LRRC4C: variants seen among roughly 807,000 people sequenced by gnomAD.
LRRC4C encodes the protein leucine rich repeat containing 4C.
A neutral mutation model predicts 33.6 loss-of-function variants in LRRC4C; 5 were observed. The ratio of observed to expected loss-of-function variants is 0.15; its 90% CI spans 0.08 to 0.31. LRRC4C has a LOEUF of 0.31. Among genes scored for constraint, LRRC4C ranks in the 10% least tolerant of loss-of-function variants. LRRC4C has a pLI of 1.00. For missense variants in LRRC4C, 560 were observed against 796.7 expected, an observed-to-expected ratio of 0.70 and a Z score of 3.58; for synonymous variants, 329 against 302.0, an observed-to-expected ratio of 1.09 and a Z score of -0.93.
At chr11:40,382,936 G>A (rs1441423142) in intron 3 of LRRC4C, among the ~76,000 whole-genome samples, 6 of 151,218 alleles carry the variant, frequency 4.0e-5, no homozygotes, top group South Asian at 4.2e-4. Flanking sequence ...CTCGTGATCC[G>A]CCTGCCTCGG....
intron 1 of LRRC4C, among the ~76,000 whole-genome samples, chr11:41,179,519 A>T (rs1215557332): frequency 6.6e-6 from 1 of 152,152 alleles, no homozygotes; most frequent in Non-Finnish European, 1.5e-5. Flanking sequence ...CCCCAACAAC[A>T]GTTATATACC....
chr11:40,616,268 T>C (rs542200952), intron 3 of LRRC4C, among the ~76,000 whole-genome samples: 1,953 of 152,028 alleles, frequency 0.013, 12 homozygotes, highest in Middle Eastern at 0.034. Context: ...CAACAGGTGC[T>C]GGAGAGGGTG....
intron 1 of LRRC4C, among the ~76,000 whole-genome samples, chr11:41,024,496 C>A (rs558582902): frequency 6.6e-6 from 1 of 151,762 alleles, no homozygotes; most frequent in Admixed American, 6.6e-5. Context: ...TTCTCACAGT[C>A]GTCTTCCAAG....
intron 2 of LRRC4C, among the ~76,000 whole-genome samples, chr11:40,764,412 G>T (rs1178883054): frequency 6.6e-6 from 1 of 152,194 alleles, no homozygotes; most frequent in African/African-American, 2.4e-5. Context: ...GAAGGACTTT[G>T]TCTTGCAGCT....
chr11:40,318,867 A>G (rs1373776596), intron 4 of LRRC4C, among the ~76,000 whole-genome samples: 1 of 152,180 alleles, frequency 6.6e-6, no homozygotes. Flanking sequence ...AGCACACACA[A>G]CATGTCTATT....
chr11:40,285,348 G>A (rs1787430166), intron 4 of LRRC4C, among the ~76,000 whole-genome samples: 2 of 152,290 alleles, frequency 1.3e-5, no homozygotes, highest in South Asian at 4.1e-4. Context: ...GCCCTTGGAA[G>A]AGTTTCAGGA....
chr11:40,130,843 CCTT>C (rs1856598473), intron 6 of LRRC4C, among the ~76,000 whole-genome samples: 1 of 152,112 alleles, frequency 6.6e-6, no homozygotes, highest in Non-Finnish European at 1.5e-5. Context: ...GGGACTTGCT[CCTT>C]CTTACTTTAG....
intron 2 of LRRC4C, among the ~76,000 whole-genome samples, chr11:40,883,836 C>T (rs1486609960): frequency 2.0e-5 from 3 of 151,056 alleles, no homozygotes; most frequent in African/African-American, 4.9e-5. Context: ...ATTTAAAAAA[C>T]TTACAAGTTT....
intron 2 of LRRC4C, among the ~76,000 whole-genome samples, chr11:40,695,954 G>A (rs1945480250): frequency 6.6e-6 from 1 of 151,330 alleles, no homozygotes; most frequent in Non-Finnish European, 1.5e-5. Flanking sequence ...ACATCTCTAG[G>A]GGTGAGATAT....
chr11:41,157,625 A>C (rs1944291755), intron 1 of LRRC4C, among the ~76,000 whole-genome samples: 1 of 152,150 alleles, frequency 6.6e-6, no homozygotes, highest in Non-Finnish European at 1.5e-5. Flanking sequence ...TTATCACATC[A>C]GTAATTACAG....
At chr11:41,420,766 TAA>T (rs1459421115) in intron 1 of LRRC4C, among the ~76,000 whole-genome samples, 1 of 151,998 alleles carries the variant, frequency 6.6e-6, no homozygotes, top group Non-Finnish European at 1.5e-5. Context: ...AGAGATTCTC[TAA>T]AGAGTTAATA....
chr11:41,391,721 T>A (rs1310280926), intron 1 of LRRC4C, among the ~76,000 whole-genome samples: 1 of 151,924 alleles, frequency 6.6e-6, no homozygotes, highest in Non-Finnish European at 1.5e-5. Context: ...CTCAAGTTCC[T>A]ATAATACCTC....
intron 1 of LRRC4C, among the ~76,000 whole-genome samples, chr11:40,987,160 C>T (rs1212898035): frequency 2.6e-5 from 4 of 152,160 alleles, no homozygotes; most frequent in Non-Finnish European, 5.9e-5. Context: ...TCCTTCTAGT[C>T]TTTGGTACAA....
chr11:41,232,913 A>G (rs892188972), intron 1 of LRRC4C, among the ~76,000 whole-genome samples: 2 of 152,038 alleles, frequency 1.3e-5, no homozygotes, highest in African/African-American at 4.8e-5. Context: ...ACTTCTGCCA[A>G]TTATATGAGC....
chr11:40,828,374 A>T (rs1450496862), intron 2 of LRRC4C, among the ~76,000 whole-genome samples: 1 of 151,716 alleles, frequency 6.6e-6, no homozygotes, highest in South Asian at 2.1e-4. Flanking sequence ...TGATTTCTAC[A>T]AATAATATTT....
chr11:40,753,335 C>G (rs1465008597), intron 2 of LRRC4C, among the ~76,000 whole-genome samples: 2 of 151,700 alleles, frequency 1.3e-5, no homozygotes, highest in Non-Finnish European at 2.9e-5. Flanking sequence ...TGGATACCCT[C>G]AAATACCCTG....
chr11:40,414,555 A>G (rs1950258740), intron 3 of LRRC4C, among the ~76,000 whole-genome samples: 1 of 152,128 alleles, frequency 6.6e-6, no homozygotes, highest in Admixed American at 6.6e-5. Flanking sequence ...TTGTGGAATT[A>G]AAAATGCATT....
At chr11:41,449,416 G>T (rs1029071975) in intron 1 of LRRC4C, among the ~76,000 whole-genome samples, 8 of 152,056 alleles carry the variant, frequency 5.3e-5, no homozygotes, top group Non-Finnish European at 1.0e-4. Flanking sequence ...GCTTGATTTT[G>T]TATCTTCTGT....
intron 3 of LRRC4C, among the ~76,000 whole-genome samples, chr11:40,630,425 T>C (rs934446012): frequency 6.6e-6 from 1 of 150,892 alleles, no homozygotes. Context: ...CTTCTTCTTT[T>C]TTTTTTTTGA....
Sources: allele counts gnomAD v4.1 joint callset (sites outside exome capture counted in the v4.1 genomes callset), GRCh38; gene constraint gnomAD v4.1.1; transcripts MANE v1.5; gene names NCBI Gene and HGNC (gene_info 2026-07-23, HGNC 2026-07-21).